Variants in DUSP4 observed in about 807,000 individuals in gnomAD.
The protein encoded by DUSP4 is dual specificity protein phosphatase 4.
Under a neutral mutation model 27.2 loss-of-function variants are expected in DUSP4, and 12 were observed. That is an observed-to-expected ratio of 0.44 (90% CI 0.28 to 0.71). DUSP4 has a LOEUF of 0.71. Ranked by LOEUF, DUSP4 falls within the 30% of genes least tolerant of loss-of-function variation. The probability of loss-of-function intolerance (pLI) is 0.14; values close to 1 mark genes in which losing one functional copy is unlikely to be tolerated. For synonymous variants in DUSP4, 257 were observed against 245.2 expected (o/e 1.05, Z -0.45); for missense variants, 448 against 551.3 (o/e 0.81, Z 1.88).
At position 29,345,804 on chromosome 8, in the gene DUSP4, G is replaced by A. The variant is rs555533194; in HGVS notation, c.433+4042C>T. 2.6e-5 allele frequency: 31 copies of A among 1,209,532 alleles called. No individual in the cohort carries two copies. In the South Asian group the frequency reaches 7.7e-4, roughly 30 times the overall value. The allele number at this position is 1,209,532 out of a possible 1,614,324, so 74.9% of individuals were successfully genotyped here. A position where few individuals can be genotyped will look rare whatever the true frequency, so the allele number is the denominator to read the frequency against. On this transcript the variant is annotated intron_variant, in intron 1 of 3. Transcript: ENST00000240100. ...CTGTCTTTAGTTACTTTTGTTAGTT[G>A]GAGACATCCAATGTAAATGGTGTCT...
In DUSP4 at chr8:29,350,021, G is replaced by C; in HGVS notation, c.258C>G (p.Ile86Met). The change falls in exon 1 of 4, where the codon ATC becomes ATG. Residue 86 changes from isoleucine to methionine, a missense_variant. This residue lies in a region of DUSP4 where 345 missense variants were observed against 394.0 expected (regional missense o/e 0.88). Transcript: ENST00000240100. ...CGCGTACCTCCTCCTCGGCGGGCAG[G>C]ATCTGCTCCAGGCTCACGGAGCCCT... ...RAKGSVSLEQ[I>M]LPAEEEVRAR... The C allele has an allele frequency of 1.9e-6, 3 of 1,595,272 alleles. No individual in the cohort carries two copies. Among genetic ancestry groups the C allele is most frequent in the Non-Finnish European group, 2.6e-6 (3 of 1,172,792 alleles).
intron 1 of DUSP4, among the ~76,000 whole-genome samples, chr8:29,343,037 G>A (rs956042058): frequency 6.6e-5 from 10 of 151,932 alleles, no homozygotes; most frequent in South Asian, 2.1e-4. Flanking sequence ...GCGTGGTGGC[G>A]GGTGTCTGTA....
intron 1 of DUSP4, among the ~76,000 whole-genome samples, chr8:29,341,316 A>G (rs1817652903): frequency 6.6e-6 from 1 of 152,200 alleles, no homozygotes; most frequent in Admixed American, 6.5e-5. Context: ...CATGACAGTG[A>G]CATAGGACCT....
In DUSP4 at chr8:29,337,209, C is replaced by A; in HGVS notation, c.1002G>T (p.Val334=). 1 of 1,613,674 alleles carries A rather than the reference C, an allele frequency of 6.2e-7. No homozygotes were observed. The highest frequency in any genetic ancestry group is 1.1e-5 in the South Asian group (1 of 91,072). ...MGQLLQFESQ[V]LATSCAAEAA... is the part of the protein sequence containing the mutation. Reference sequence around the variant, plus strand: ...CCTCCGCAGCACAGGACGTGGCCAGCACCTGGGACTCGAACTGCAGCAGCT... The same window carrying A: ...CCTCCGCAGCACAGGACGTGGCCAGAACCTGGGACTCGAACTGCAGCAGCT... Residue 334 remains valine, a synonymous_variant, in exon 4 of 4, where the codon GTG becomes GTT. Coordinates refer to ENST00000240100, the MANE Select transcript of DUSP4 (RefSeq NM_001394.7). The surrounding 1 kb of genome is among the most constrained non-coding windows in gnomAD (Gnocchi z 6.4).
chr8:29,345,911 A>G (rs1184458310), intron 1 of DUSP4: 1 of 1,005,470 alleles, frequency 9.9e-7, no homozygotes, highest in African/African-American at 1.7e-5. Context: ...TGTCATGGGC[A>G]TTGTATTACA....
intron 1 of DUSP4, chr8:29,347,768 C>A: frequency 1.9e-5 from 19 of 985,532 alleles, no homozygotes; most frequent in Non-Finnish European, 2.2e-5. Context: ...ACCTCGCCAC[C>A]CACCAGAGGG....
At chr8:29,347,744 T>C in intron 1 of DUSP4, 1 of 985,296 alleles carries the variant, frequency 1.0e-6, no homozygotes, top group African/African-American at 1.7e-5. Flanking sequence ...GTACTTCTCT[T>C]ATGTTGGCCA....
rs945312448 is a variant in DUSP4 at position 29,334,460 on chromosome 8, A to C, written c.*2566T>G. 5.3e-5 allele frequency: 8 copies of C among 152,214 alleles called. No individual in the cohort carries two copies. The highest frequency in any genetic ancestry group is 1.9e-4 in the African/African-American group (8 of 41,446). 9.4% of individuals were successfully genotyped at this position (152,214 alleles called of 1,614,324 possible). On this transcript the variant is annotated 3_prime_UTR_variant, in exon 4 of 4. Coordinates refer to ENST00000240100, the MANE Select transcript of DUSP4 (RefSeq NM_001394.7). ...TCGTGCTGTTATCAAGTACAATGAA[A>C]ATGGCTTTATAAATAGCTGTTTTGA...
At chr8:29,348,088 A>C in intron 1 of DUSP4, 1 of 985,536 alleles carries the variant, frequency 1.0e-6, no homozygotes, top group Non-Finnish European at 1.2e-6. Flanking sequence ...CAACAAAACA[A>C]ATCCAGACTC....
At chr8:29,339,862 A>G (rs1455215887) in intron 2 of DUSP4, among the ~76,000 whole-genome samples, 2 of 140,448 alleles carry the variant, frequency 1.4e-5, no homozygotes, top group African/African-American at 5.2e-5. Context: ...AAACCTTTTA[A>G]AATTAGCCAG....
chr8:29,346,042 G>A (rs76662643), intron 1 of DUSP4: 1 of 985,538 alleles, frequency 1.0e-6, no homozygotes, highest in South Asian at 4.7e-5. Flanking sequence ...TTGCCCTCCT[G>A]GGGAACTGAA....
rs1029045253 is a variant in DUSP4, at chr8:29,336,388, T to G, written c.*638A>C. On this transcript the variant is annotated 3_prime_UTR_variant, in exon 4 of 4. Coordinates refer to ENST00000240100, the MANE Select transcript of DUSP4 (RefSeq NM_001394.7). ...ACATCTGCATGCTACGGTGCTCAGC[T>G]GTTTGACATCAACATAAATATATTC... The G allele has an allele frequency of 6.6e-6, 1 of 152,308 alleles. No individual in the cohort carries two copies. The highest frequency in any genetic ancestry group is 2.4e-5 in the African/African-American group (1 of 41,454). The allele number at this position is 152,308 out of a possible 1,614,324, so 9.4% of individuals were successfully genotyped here. A position where few individuals can be genotyped will look rare whatever the true frequency, so the allele number is the denominator to read the frequency against.
chr8:29,341,710 C>A (rs949856072), intron 1 of DUSP4, among the ~76,000 whole-genome samples: 2 of 152,160 alleles, frequency 1.3e-5, no homozygotes, highest in Admixed American at 1.3e-4. Context: ...ATCATAAACC[C>A]CTTTCCTTAT....
At chr8:29,345,235 T>C (rs1342796054) in intron 1 of DUSP4, 1 of 1,076,194 alleles carries the variant, frequency 9.3e-7, no homozygotes, top group South Asian at 1.5e-5. Flanking sequence ...AGAAAAGTCA[T>C]GCTCTTGCAA....
At chr8:29,338,072 C>G (rs1351640265) in intron 3 of DUSP4, among the ~76,000 whole-genome samples, 1 of 152,226 alleles carries the variant, frequency 6.6e-6, no homozygotes, top group Non-Finnish European at 1.5e-5. Flanking sequence ...AGGGGACTGG[C>G]TCTGCAAGCT....
At position 29,340,083 on chromosome 8, in the gene DUSP4, GC is replaced by G; in HGVS notation, c.579+14del. 1 of 1,555,136 alleles carries G rather than the reference GC, an allele frequency of 6.4e-7. No homozygotes were observed. Among genetic ancestry groups the G allele is most frequent in the Admixed American group, 1.9e-5 (1 of 51,344 alleles). On this transcript the variant is annotated intron_variant, in intron 2 of 3. Coordinates refer to ENST00000240100, the MANE Select transcript of DUSP4 (RefSeq NM_001394.7). ...TTCCTGCCCCCCACTTCCAAGCCCT[GC>G]CCCCCGAGTCTACCTGGTCGTGTAG...
chr8:29,342,343 A>G lies in DUSP4; in HGVS notation c.434-2100T>C, dbSNP rs919783117. 7.2e-5 allele frequency among the ~76,000 whole-genome samples: 11 copies of G among 152,120 alleles called. No individual in the cohort carries two copies. The East Asian group carries it at 1.5e-3, about 21-fold the overall frequency. Reference sequence around the variant, plus strand: ...TCTCGGAGCCTCCTCCTCGTCTGTAAGTGATGAAAGTCCCCTGCACAAAGG... The same window carrying G: ...TCTCGGAGCCTCCTCCTCGTCTGTAGGTGATGAAAGTCCCCTGCACAAAGG... On this transcript the variant is annotated intron_variant, in intron 1 of 3. Transcript: ENST00000240100.
chr8:29,337,496 G>C lies in DUSP4; in HGVS notation c.800-85C>G. ...GCACCGGCCAGCCCCTGGGGTCGGG[G>C]GGCTCTGAAGGAAGGACTAGCCGTG... On this transcript the variant is annotated intron_variant, in intron 3 of 3. Transcript: ENST00000240100. This position sits in a 1 kb window ranked among gnomAD's most constrained non-coding sequence, Gnocchi z 6.4. 6.7e-7 allele frequency: 1 copy of C among 1,500,516 alleles called. No homozygotes were observed. Among genetic ancestry groups the C allele is most frequent in the South Asian group, 1.3e-5 (1 of 75,228 alleles). The allele number at this position is 1,500,516 out of a possible 1,614,324, so 93.0% of individuals were successfully genotyped here.
intron 1 of DUSP4, 66 bp from the exon 2 acceptor site, chr8:29,340,309 G>T: frequency 6.6e-7 from 1 of 1,517,940 alleles, no homozygotes; most frequent in South Asian, 1.3e-5. Context: ...GAAAGAACTC[G>T]ACTCCTACAG....
Sources: allele counts gnomAD v4.1 joint callset (sites outside exome capture counted in the v4.1 genomes callset), GRCh38; gene constraint gnomAD v4.1.1; regional missense constraint gnomAD v4.1.1; non-coding constraint Gnocchi (gnomAD v3.1); transcripts MANE v1.5; gene names NCBI Gene and HGNC (gene_info 2026-07-23, HGNC 2026-07-21).